The following VSNL1 variants were observed in gnomAD, a reference collection of about 807,000 sequenced individuals.
VSNL1 encodes the protein visinin-like protein 1.
VSNL1 carries 6 observed loss-of-function variants against 20.4 expected under a neutral mutation model. That is an observed-to-expected ratio of 0.29 (90% CI 0.16 to 0.58). VSNL1 has a LOEUF of 0.58. Ranked by LOEUF, VSNL1 falls within the 20% of genes least tolerant of loss-of-function variation. The pLI is 0.90. For synonymous variants in VSNL1, 93 were observed against 86.4 expected (o/e 1.08, Z -0.42); for missense variants, 100 against 234.5 (o/e 0.43, Z 3.75).
chr2:17,557,153 A>T (rs969989539), intron 1 of VSNL1, among the ~76,000 whole-genome samples: 1 of 152,206 alleles, frequency 6.6e-6, no homozygotes, highest in Non-Finnish European at 1.5e-5. Flanking sequence ...AATAGATATT[A>T]TCCCTATTTG....
At chr2:17,643,909 G>C (rs1329100047) in intron 2 of VSNL1, among the ~76,000 whole-genome samples, 2 of 152,172 alleles carry the variant, frequency 1.3e-5, no homozygotes, top group Non-Finnish European at 2.9e-5. Flanking sequence ...CGGGACAAGG[G>C]AGCCGGGGGA....
chr2:17,543,051 T>C (rs1032791139), intron 1 of VSNL1, among the ~76,000 whole-genome samples: 1 of 152,242 alleles, frequency 6.6e-6, no homozygotes, highest in African/African-American at 2.4e-5. Context: ...TAAATAACTG[T>C]CTGCTCTCCA....
chr2:17,622,553 AAAGAAAG>A (rs1665398606), intron 2 of VSNL1, among the ~76,000 whole-genome samples: 1 of 97,776 alleles, frequency 1.0e-5, no homozygotes, highest in Non-Finnish European at 2.4e-5. Context: ...AGAAAGAAAG[AAAGAAAG>A]AAAGAAAGAA....
chr2:17,572,782 T>C (rs1469069175), intron 1 of VSNL1, among the ~76,000 whole-genome samples: 3 of 152,196 alleles, frequency 2.0e-5, no homozygotes, highest in Non-Finnish European at 4.4e-5. Flanking sequence ...CATAACATGC[T>C]CTTTCACATC....
At chr2:17,573,235 G>A (rs1664122868) in intron 1 of VSNL1, among the ~76,000 whole-genome samples, 1 of 152,162 alleles carries the variant, frequency 6.6e-6, no homozygotes, top group African/African-American at 2.4e-5. Context: ...GCATGAAGTG[G>A]GAGAAGTAAG....
intron 2 of VSNL1, among the ~76,000 whole-genome samples, chr2:17,614,824 A>G (rs1029783754): frequency 1.3e-5 from 2 of 152,244 alleles, no homozygotes; most frequent in African/African-American, 4.8e-5. Context: ...TTTGGGTCAG[A>G]TAGAGCTGGG....
At chr2:17,550,669 C>A (rs1663512506) in intron 1 of VSNL1, among the ~76,000 whole-genome samples, 1 of 152,076 alleles carries the variant, frequency 6.6e-6, no homozygotes, top group Non-Finnish European at 1.5e-5. Context: ...GACAGTAAGA[C>A]CAACAGGAGA....
rs1665705821 is a variant in VSNL1 at position 17,634,375 on chromosome 2, G to A, written c.163-15035G>A. 6.6e-6 allele frequency among the ~76,000 whole-genome samples: 1 copy of A among 152,198 alleles called. No homozygotes were observed. The highest frequency in any genetic ancestry group is 2.1e-4 in the South Asian group (1 of 4,832). ...CAAATTATGTAAGAGGTCCTGGCAA[G>A]ACTTGAGGCAAAGTTTGTTATGCAG... is the stretch of plus-strand genomic sequence containing the variant. On this transcript the variant is annotated intron_variant, in intron 2 of 3. Coordinates refer to ENST00000295156, the MANE Select transcript of VSNL1 (RefSeq NM_003385.5). This position sits in a 1 kb window ranked among gnomAD's most constrained non-coding sequence, Gnocchi z 4.3.
chr2:17,588,796 A>G (rs746227349), intron 1 of VSNL1, among the ~76,000 whole-genome samples: 5 of 152,170 alleles, frequency 3.3e-5, no homozygotes, highest in Admixed American at 2.0e-4. Flanking sequence ...ACTGCATTTT[A>G]TATTTATACT....
intron 2 of VSNL1, among the ~76,000 whole-genome samples, chr2:17,610,097 G>T: frequency 6.6e-6 from 1 of 152,234 alleles, no homozygotes; most frequent in Non-Finnish European, 1.5e-5. Context: ...ATAGGGTAAG[G>T]GACAAACACC....
At chr2:17,571,151 T>A (rs1030868773) in intron 1 of VSNL1, among the ~76,000 whole-genome samples, 11 of 152,172 alleles carry the variant, frequency 7.2e-5, no homozygotes, top group Non-Finnish European at 1.6e-4. Flanking sequence ...ACTTATGATC[T>A]AAAAATATGC....
chr2:17,575,044 G>C (rs13388403), intron 1 of VSNL1, among the ~76,000 whole-genome samples: 4,621 of 152,050 alleles, frequency 0.03, 222 homozygotes, highest in African/African-American at 0.11. Context: ...ACCCAGGCTG[G>C]TCTCAAGCTT....
chr2:17,577,802 T>C (rs1030862821), intron 1 of VSNL1, among the ~76,000 whole-genome samples: 1 of 152,228 alleles, frequency 6.6e-6, no homozygotes, highest in Non-Finnish European at 1.5e-5. Flanking sequence ...TGAGCTCTTA[T>C]GTGGAAATAA....
chr2:17,635,355 A>G (rs2103416259), intron 2 of VSNL1, among the ~76,000 whole-genome samples: 1 of 152,298 alleles, frequency 6.6e-6, no homozygotes, highest in East Asian at 1.9e-4. Context: ...GACAGGTGGA[A>G]GGCAAAATGT....
chr2:17,607,361 C>G (rs1664969001), intron 2 of VSNL1, among the ~76,000 whole-genome samples: 1 of 152,138 alleles, frequency 6.6e-6, no homozygotes, highest in Non-Finnish European at 1.5e-5. Flanking sequence ...TCTCCACCTC[C>G]TACTTTGATC....
At chr2:17,587,856 T>TA (rs1180391865) in intron 1 of VSNL1, among the ~76,000 whole-genome samples, 1 of 152,162 alleles carries the variant, frequency 6.6e-6, no homozygotes, top group Non-Finnish European at 1.5e-5. Context: ...TTTAATGCTG[T>TA]AAAAAAGGGG....
At chr2:17,641,780 T>C (rs1665887755) in intron 2 of VSNL1, among the ~76,000 whole-genome samples, 1 of 152,140 alleles carries the variant, frequency 6.6e-6, no homozygotes, top group African/African-American at 2.4e-5. Context: ...CTAGATGTAG[T>C]TGTATAGACA....
At chr2:17,640,294 C>A (rs1374226463) in intron 2 of VSNL1, among the ~76,000 whole-genome samples, 1 of 151,248 alleles carries the variant, frequency 6.6e-6, no homozygotes. Flanking sequence ...GAAACTAAAG[C>A]TTTGAAAAGA....
intron 2 of VSNL1, among the ~76,000 whole-genome samples, chr2:17,642,953 A>C (rs974504948): frequency 6.6e-6 from 1 of 151,152 alleles, no homozygotes; most frequent in Admixed American, 6.6e-5. Flanking sequence ...CCCAGAGGAC[A>C]AGGGATGGGG....
Sources: gnomAD v4.1 joint callset for allele counts (sites outside exome capture counted in the v4.1 genomes callset) on GRCh38, gnomAD v4.1.1 for gene constraint, Gnocchi (gnomAD v3.1) non-coding constraint, MANE v1.5 for transcripts, NCBI Gene and HGNC (gene_info 2026-07-23, HGNC 2026-07-21) for gene names.